FHIT: variants seen among roughly 807,000 people sequenced by gnomAD.
FHIT encodes fragile histidine triad diadenosine triphosphatase.
In FHIT, 19 loss-of-function variants were observed where a neutral mutation model predicts 17.9. The ratio of observed to expected loss-of-function variants is 1.06; its 90% CI spans 0.74 to 1.56. The LOEUF is 1.56. Ranked by LOEUF, FHIT falls within the 40% of genes most tolerant of loss-of-function variation. The pLI is 0.00. For missense variants in FHIT, 248 were observed against 189.2 expected (o/e 1.31, Z -1.82); for synonymous variants, 81 against 69.7 (o/e 1.16, Z -0.81).
At chr3:60,237,413 C>T (rs567956142) in intron 5 of FHIT, among the ~76,000 whole-genome samples, 1 of 152,152 alleles carries the variant, frequency 6.6e-6, no homozygotes, top group East Asian at 1.9e-4. Flanking sequence ...TGCTAACAGC[C>T]TCCTACCTAA....
intron 3 of FHIT, among the ~76,000 whole-genome samples, chr3:61,035,071 C>T (rs1054806342): frequency 2.6e-5 from 4 of 152,120 alleles, no homozygotes; most frequent in Admixed American, 6.6e-5. Flanking sequence ...ATTCCATTTA[C>T]ATAAAATATC....
At chr3:59,899,867 G>A (rs529800837) in intron 8 of FHIT, among the ~76,000 whole-genome samples, 4 of 152,142 alleles carry the variant, frequency 2.6e-5, no homozygotes, top group African/African-American at 9.6e-5. Flanking sequence ...ACAAAAAAAA[G>A]AATCAGCTAT....
chr3:60,115,004 T>C lies in FHIT; in HGVS notation c.104-100852A>G, dbSNP rs568310724. Among the ~76,000 whole-genome samples the C allele has an allele frequency of 5.4e-4, 82 of 152,276 alleles. 1 individual carries two copies. Among genetic ancestry groups the C allele is most frequent in the African/African-American group, 1.7e-3 (71 of 41,564 alleles). On this transcript the variant is annotated intron_variant, in intron 5 of 9. Coordinates refer to ENST00000492590, the MANE Select transcript of FHIT (RefSeq NM_002012.4). The stretch of plus-strand genomic sequence containing the variant: ...GGCTAACTATTTAAGGAAAATATGT[T>C]ACATTGTTTTCTCATCTCATGTCAA...
At chr3:61,016,475 C>A (rs2032112527) in intron 3 of FHIT, among the ~76,000 whole-genome samples, 2 of 152,116 alleles carry the variant, frequency 1.3e-5, no homozygotes, top group African/African-American at 4.8e-5. Context: ...TGGAACTTAC[C>A]ATTTTGCAGC....
At chr3:61,055,028 C>T (rs937899776) in intron 2 of FHIT, among the ~76,000 whole-genome samples, 3 of 152,170 alleles carry the variant, frequency 2.0e-5, no homozygotes, top group Non-Finnish European at 4.4e-5. Context: ...ATTACACGTG[C>T]ATTTGCATAC....
intron 5 of FHIT, among the ~76,000 whole-genome samples, chr3:60,029,103 A>G (rs1700872606): frequency 2.0e-5 from 3 of 152,340 alleles, no homozygotes; most frequent in South Asian, 4.1e-4. Flanking sequence ...ATTACAGTGT[A>G]CTAAATTAGT....
At chr3:60,040,966 C>T (rs1291757942) in intron 5 of FHIT, among the ~76,000 whole-genome samples, 2 of 152,052 alleles carry the variant, frequency 1.3e-5, no homozygotes, top group Non-Finnish European at 2.9e-5. Context: ...AAACCTGTTG[C>T]TCCCCTAAAA....
intron 1 of FHIT, among the ~76,000 whole-genome samples, chr3:61,214,790 A>G (rs1308581820): frequency 6.6e-6 from 1 of 152,252 alleles, no homozygotes; most frequent in South Asian, 2.1e-4. Flanking sequence ...CCAGCAGCAC[A>G]TCACAAAGCT....
At chr3:60,994,147 C>T (rs1039753171) in intron 3 of FHIT, among the ~76,000 whole-genome samples, 2 of 152,144 alleles carry the variant, frequency 1.3e-5, no homozygotes, top group African/African-American at 4.8e-5. Flanking sequence ...TATGTTACTT[C>T]TTCCATTGAA....
intron 2 of FHIT, among the ~76,000 whole-genome samples, chr3:61,083,545 G>C (rs972959030): frequency 6.6e-6 from 1 of 152,088 alleles, no homozygotes; most frequent in Admixed American, 6.6e-5. Context: ...AGCCGAGATC[G>C]CGCCACTGCA....
intron 5 of FHIT, among the ~76,000 whole-genome samples, chr3:60,121,643 C>T (rs981221999): frequency 2.0e-5 from 3 of 151,824 alleles, no homozygotes; most frequent in African/African-American, 7.3e-5. Flanking sequence ...GAGATCATGC[C>T]ATTGCACTCC....
chr3:60,774,367 C>T (rs1181062360), intron 4 of FHIT, among the ~76,000 whole-genome samples: 2 of 152,086 alleles, frequency 1.3e-5, no homozygotes, highest in Non-Finnish European at 2.9e-5. Flanking sequence ...ATGGTGTGAT[C>T]TCAGCTCACT....
At chr3:60,840,599 TAA>T (rs1212871895) in intron 3 of FHIT, among the ~76,000 whole-genome samples, 3 of 152,210 alleles carry the variant, frequency 2.0e-5, no homozygotes, top group African/African-American at 7.2e-5. Flanking sequence ...CTGAAATAGG[TAA>T]AGAGTGTCTG....
At chr3:60,122,130 A>G (rs1242683265) in intron 5 of FHIT, among the ~76,000 whole-genome samples, 2 of 152,004 alleles carry the variant, frequency 1.3e-5, no homozygotes, top group Non-Finnish European at 2.9e-5. Flanking sequence ...ACGCCTAGAG[A>G]TAATAAAAGA....
intron 7 of FHIT, among the ~76,000 whole-genome samples, chr3:59,984,926 G>C (rs532614161): frequency 6.6e-6 from 1 of 152,146 alleles, no homozygotes; most frequent in South Asian, 2.1e-4. Context: ...AGCAGTATTG[G>C]GCTTCACCAT....
At chr3:60,824,252 C>A (rs1018294234) in intron 3 of FHIT, among the ~76,000 whole-genome samples, 9 of 152,198 alleles carry the variant, frequency 5.9e-5, no homozygotes, top group Non-Finnish European at 7.3e-5. Flanking sequence ...AGAGTGAAAA[C>A]TGGTCAGTCC....
chr3:60,553,781 G>A (rs1033846624), intron 4 of FHIT, among the ~76,000 whole-genome samples: 4 of 152,000 alleles, frequency 2.6e-5, no homozygotes, highest in Non-Finnish European at 5.9e-5. Flanking sequence ...AGAGCTTTGT[G>A]TTTGTACAAA....
intron 5 of FHIT, among the ~76,000 whole-genome samples, chr3:60,074,304 G>A (rs1702911259): frequency 6.6e-6 from 1 of 152,028 alleles, no homozygotes; most frequent in African/African-American, 2.4e-5. Context: ...TGGAACAAAG[G>A]TTGGAAGTTT....
At chr3:59,789,294 T>C (rs1486038436) in intron 8 of FHIT, among the ~76,000 whole-genome samples, 3 of 152,204 alleles carry the variant, frequency 2.0e-5, no homozygotes, top group African/African-American at 7.2e-5. Flanking sequence ...ATAACCCACA[T>C]TTTTTATGGT....
Sources: allele counts gnomAD v4.1 joint callset (sites outside exome capture counted in the v4.1 genomes callset), GRCh38; gene constraint gnomAD v4.1.1; transcripts MANE v1.5; gene names NCBI Gene and HGNC (gene_info 2026-07-23, HGNC 2026-07-21).